MTARC1: variants seen among roughly 807,000 people sequenced by gnomAD.
The protein encoded by MTARC1 is mitochondrial amidoxime-reducing component 1.
A neutral mutation model predicts 33.6 loss-of-function variants in MTARC1; 24 were observed. That is an observed-to-expected ratio of 0.72 (90% CI 0.52 to 1.01). MTARC1 has a LOEUF of 1.01. Ranked by LOEUF, MTARC1 falls within the 50% of genes least tolerant of loss-of-function variation. The probability of loss-of-function intolerance (pLI) is 0.00; values close to 1 mark genes in which losing one functional copy is unlikely to be tolerated. For synonymous variants in MTARC1, 187 were observed against 189.5 expected (o/e 0.99, Z 0.11); for missense variants, 417 against 445.7 (o/e 0.94, Z 0.58).
chr1:220,805,987 CAT>C (rs1318256224), intron 6 of MTARC1, among the ~76,000 whole-genome samples: 5 of 152,074 alleles, frequency 3.3e-5, no homozygotes, highest in East Asian at 3.9e-4. Flanking sequence ...TTTTAAAAAA[CAT>C]ATAAATGCAC....
chr1:220,806,041 G>T (rs770603529), intron 6 of MTARC1, among the ~76,000 whole-genome samples: 2 of 152,186 alleles, frequency 1.3e-5, no homozygotes, highest in Non-Finnish European at 2.9e-5. Flanking sequence ...ACAAAATGGA[G>T]ATACTCTTTT....
intron 4 of MTARC1, among the ~76,000 whole-genome samples, chr1:220,802,683 T>C (rs1672851801): frequency 6.6e-6 from 1 of 152,206 alleles, no homozygotes; most frequent in South Asian, 2.1e-4. Context: ...AGCATGTTTT[T>C]TTCTTTCACC....
At chr1:220,812,566 C>T (rs1000879056) in intron 6 of MTARC1, among the ~76,000 whole-genome samples, 10 of 152,164 alleles carry the variant, frequency 6.6e-5, no homozygotes, top group Admixed American at 2.6e-4. Context: ...TCGGCAGCTG[C>T]GGACAGGCTG....
intron 6 of MTARC1, among the ~76,000 whole-genome samples, chr1:220,809,366 C>T (rs1673059624): frequency 6.6e-6 from 1 of 152,112 alleles, no homozygotes; most frequent in African/African-American, 2.4e-5. Flanking sequence ...GAAGCCTGAC[C>T]ACACTTCTTC....
intron 4 of MTARC1, chr1:220,798,329 T>C: frequency 8.1e-7 from 1 of 1,236,390 alleles, no homozygotes; most frequent in Non-Finnish European, 1.0e-6. Flanking sequence ...GTGTGGGCCA[T>C]GGAACAAAGA....
intron 1 of MTARC1, among the ~76,000 whole-genome samples, chr1:220,790,653 G>A (rs1353936288): frequency 4.6e-5 from 7 of 152,144 alleles, no homozygotes; most frequent in Admixed American, 4.6e-4. Context: ...TAAAGTACCG[G>A]CCATATTTTT....
At chr1:220,802,613 T>G (rs1672848835) in intron 4 of MTARC1, among the ~76,000 whole-genome samples, 1 of 152,244 alleles carries the variant, frequency 6.6e-6, no homozygotes, top group South Asian at 2.1e-4. Flanking sequence ...ATAACAGGCA[T>G]GAGCCACTGC....
chr1:220,796,061 A>T (rs926088723), intron 2 of MTARC1, among the ~76,000 whole-genome samples: 9 of 152,184 alleles, frequency 5.9e-5, no homozygotes, highest in Admixed American at 2.0e-4. Flanking sequence ...TGGGAACTTC[A>T]AATCCTACAA....
In MTARC1 at chr1:220,809,658, C is replaced by T. The variant is rs141450436; in HGVS notation, c.888-3634C>T. Among the ~76,000 whole-genome samples, 271 of 152,288 alleles carry T rather than the reference C, an allele frequency of 1.8e-3. 3 individuals are homozygous for T. In the East Asian group the frequency reaches 0.046, roughly 26 times the overall value. ...CCAAGTAGCTGGGATTACAGGCATG[C>T]GCCTCTACGCCTGGCTAATTTTTGT... On this transcript the variant is annotated intron_variant, in intron 6 of 6. Coordinates refer to ENST00000366910, the MANE Select transcript of MTARC1 (RefSeq NM_022746.4).
chr1:220,789,174 A>T (rs72470580), intron 1 of MTARC1, among the ~76,000 whole-genome samples: 20,871 of 152,036 alleles, frequency 0.14, 2,321 homozygotes, highest in East Asian at 0.3. Context: ...CAGGGACAAC[A>T]TCAGAGAGAA....
At chr1:220,800,194 G>A (rs199876222) in intron 4 of MTARC1, among the ~76,000 whole-genome samples, 178 of 77,596 alleles carry the variant, frequency 2.3e-3, no homozygotes, top group African/African-American at 8.9e-3. Context: ...CTAAAAACCC[G>A]TATCTCTCTC....
chr1:220,803,556 C>T (rs182165023), intron 4 of MTARC1, among the ~76,000 whole-genome samples: 66 of 152,214 alleles, frequency 4.3e-4, no homozygotes, highest in Middle Eastern at 6.8e-3. Context: ...GACCTCAAAG[C>T]GCTCCCTCCC....
At chr1:220,800,639 A>T (rs569699584) in intron 4 of MTARC1, among the ~76,000 whole-genome samples, 2 of 149,534 alleles carry the variant, frequency 1.3e-5, no homozygotes, top group Non-Finnish European at 3.0e-5. Context: ...TGCCCTGAGG[A>T]CCCCTAACTA....
chr1:220,796,990 G>T (rs1309110389), intron 3 of MTARC1, among the ~76,000 whole-genome samples, 185 bp downstream of exon 3: 1 of 152,190 alleles, frequency 6.6e-6, no homozygotes, highest in Non-Finnish European at 1.5e-5. Context: ...TTGTTTGGGG[G>T]ACTCTTGAAT....
chr1:220,801,815 G>A (rs2102600203), intron 4 of MTARC1, among the ~76,000 whole-genome samples: 1 of 152,192 alleles, frequency 6.6e-6, no homozygotes, highest in Admixed American at 6.5e-5. Flanking sequence ...GAAGGCCGAG[G>A]ACCTGCATGG....
Position 220,819,352 on chromosome 1 carries a change from C to G in MTARC1, c.*5934C>G, listed in dbSNP as rs1041150937. ...GGTCAAACAGATCTCGTTAATGTGGCCAAGATAAATGCAAGTCTATATTTT... is the reference window on the plus strand; with the variant it reads ...GGTCAAACAGATCTCGTTAATGTGGGCAAGATAAATGCAAGTCTATATTTT... On this transcript the variant is annotated 3_prime_UTR_variant, in exon 7 of 7. Coordinates refer to ENST00000366910, the MANE Select transcript of MTARC1 (RefSeq NM_022746.4). 2.6e-5 allele frequency: 4 copies of G among 152,064 alleles called. No individual in the cohort carries two copies. The highest frequency in any genetic ancestry group is 2.1e-4 in the South Asian group (1 of 4,822). 9.4% of individuals were successfully genotyped at this position (152,064 alleles called of 1,614,324 possible).
In MTARC1 at chr1:220,803,082, C is replaced by A. The variant is rs1049603447; in HGVS notation, c.754-1970C>A. On this transcript the variant is annotated intron_variant, in intron 4 of 6. Transcript: ENST00000366910. ...TTTCATAGTGCTATGAAGAAATACC[C>A]GAGACTGGGTAATTTATAAAGAAAA... 3.9e-5 allele frequency among the ~76,000 whole-genome samples: 6 copies of A among 152,060 alleles called. 1 individual carries two copies. Among genetic ancestry groups the A allele is most frequent in the Admixed American group, 3.9e-4 (6 of 15,264 alleles).
chr1:220,810,370 A>G (rs1426113418), intron 6 of MTARC1, among the ~76,000 whole-genome samples: 1 of 152,126 alleles, frequency 6.6e-6, no homozygotes, highest in Non-Finnish European at 1.5e-5. Flanking sequence ...GGGCTTCCGC[A>G]GCAGTAGCAA....
chr1:220,795,905 A>G (rs1463744072), intron 2 of MTARC1, among the ~76,000 whole-genome samples: 1 of 152,162 alleles, frequency 6.6e-6, no homozygotes, highest in African/African-American at 2.4e-5. Context: ...CCCAGGTGCC[A>G]TCTACAGTTA....
Sources: allele counts gnomAD v4.1 joint callset (sites outside exome capture counted in the v4.1 genomes callset), GRCh38; gene constraint gnomAD v4.1.1; transcripts MANE v1.5; gene names NCBI Gene and HGNC (gene_info 2026-07-23, HGNC 2026-07-21).